Variants in TNS2 observed in about 807,000 individuals in gnomAD.
TNS2 encodes the protein tensin-2.
In TNS2, 77 loss-of-function variants were observed where a neutral mutation model predicts 155.7. The ratio of observed to expected loss-of-function variants is 0.49; its 90% CI spans 0.41 to 0.60. The LOEUF is 0.60. Ranked by LOEUF, TNS2 falls within the 20% of genes least tolerant of loss-of-function variation. The pLI, the probability that TNS2 is intolerant of heterozygous loss-of-function variation, is 0.00. For missense variants in TNS2, 1,703 were observed against 1,868.8 expected, an observed-to-expected ratio of 0.91 and a Z score of 1.64; for synonymous variants, 726 against 763.9, an observed-to-expected ratio of 0.95 and a Z score of 0.82.
At position 53,059,946 on chromosome 12, in the gene TNS2, T is replaced by C. The variant is rs759529631; in HGVS notation, c.2305T>C (p.Ser769Pro). The change falls in exon 18 of 29, where the codon TCC becomes CCC. Residue 769 changes from serine (S) to proline (P), a missense_variant. Ser to Pro is a moderately conservative substitution (Grantham distance 74). Transcript: ENST00000314250. This position sits in a 1 kb window ranked among gnomAD's most constrained non-coding sequence, Gnocchi z 4.7. ...KAGEEGHEGC[S>P]YTMCPEGRYG... ...AGGCGAGGAAGGGCACGAGGGCTGC[T>C]CCTACACCATGTGCCCCGAAGGCAG... 1 of 1,612,498 alleles carries C rather than the reference T, an allele frequency of 6.2e-7. No individual in the cohort carries two copies. The highest frequency in any genetic ancestry group is 1.7e-5 in the Admixed American group (1 of 59,974).
In TNS2 at chr12:53,060,418, G is replaced by T. The variant is rs113627018; in HGVS notation, c.2631G>T (p.Pro877=). 3.1e-6 allele frequency: 5 copies of T among 1,612,794 alleles called. No homozygotes were observed. The highest frequency in any genetic ancestry group is 4.2e-6 in the Non-Finnish European group (5 of 1,179,582). Residue 877 remains proline (P), a synonymous_variant, in exon 19 of 29, where the codon CCG becomes CCT. Coordinates refer to ENST00000314250, the MANE Select transcript of TNS2 (RefSeq NM_170754.4). The surrounding 1 kb of genome is among the most constrained non-coding windows in gnomAD (Gnocchi z 6.1). ...GPLASAESLE[P]VSWREGPSGH... is the part of the protein sequence containing the mutation. ...CCTTCACTGCAGAGTCGCTGGAGCC[G>T]GTGTCCTGGAGGGAGGGCCCCAGTG...
In TNS2 at chr12:53,063,508, C is replaced by A. The variant is rs199763931; in HGVS notation, c.4062-55C>A. The stretch of plus-strand genomic sequence containing the variant: ...CCAGCCCCAGCCCCGGCCCCGGCCC[C>A]CCTTCAGCAGCTGTCCCCTGGGGTG... On this transcript the variant is annotated intron_variant, in intron 27 of 28. Coordinates refer to ENST00000314250, the MANE Select transcript of TNS2 (RefSeq NM_170754.4). The surrounding 1 kb of genome is among the most constrained non-coding windows in gnomAD (Gnocchi z 5.6). 1.2e-6 allele frequency: 2 copies of A among 1,613,190 alleles called. No individual in the cohort carries two copies. The highest frequency in any genetic ancestry group is 2.2e-5 in the South Asian group (2 of 91,074).
At chr12:53,051,032 G>C (rs1481637979) in intron 1 of TNS2, among the ~76,000 whole-genome samples, 2 of 152,164 alleles carry the variant, frequency 1.3e-5, no homozygotes, top group Non-Finnish European at 2.9e-5. Flanking sequence ...ACCCACAGTG[G>C]GAGGGGAAGG....
rs1214554877 is a variant in TNS2 at position 53,060,617 on chromosome 12, T to C, written c.2769-58T>C. On this transcript the variant is annotated intron_variant, in intron 19 of 28. Transcript: ENST00000314250. The surrounding 1 kb of genome is among the most constrained non-coding windows in gnomAD (Gnocchi z 6.1). ...TGTCCAAGCAGTTGATGAAGGCAGG[T>C]GGGGTGGGAGCAGCCACAATGGGGG... is the stretch of plus-strand genomic sequence containing the variant. 9 of 1,593,708 alleles carry C rather than the reference T, an allele frequency of 5.6e-6. No individual in the cohort carries two copies. Among genetic ancestry groups the C allele is most frequent in the Non-Finnish European group, 7.7e-6 (9 of 1,168,456 alleles).
upstream of TNS2, chr12:53,048,976 C>T: frequency 1.9e-6 from 1 of 531,212 alleles, no homozygotes. Context: ...ACAGCTATAG[C>T]CTGTCCCAGG....
At chr12:53,055,126 C>G in intron 7 of TNS2, 60 bp from the exon 8 acceptor site, 1 of 1,574,630 alleles carries the variant, frequency 6.4e-7, no homozygotes, top group Non-Finnish European at 8.7e-7. Context: ...GGATCCACCT[C>G]CACCTCGTGC....
chr12:53,057,648 C>T lies in TNS2; in HGVS notation c.927C>T (p.Ile309=). 2.5e-6 allele frequency: 4 copies of T among 1,614,146 alleles called. No homozygotes were observed. The highest frequency in any genetic ancestry group is 3.4e-6 in the Non-Finnish European group (4 of 1,179,988). The change falls in exon 12 of 29, where the codon ATC becomes ATT. Residue 309 remains isoleucine, a synonymous_variant. Coordinates refer to ENST00000314250, the MANE Select transcript of TNS2 (RefSeq NM_170754.4). ...SSPLFLHYVL[I]PMLPAFEPGT... Reference sequence around the variant, plus strand: ...CTCTCTTCCTGCACTATGTGCTCATCCCCATGCTGCCAGCCTTTGAACCTG... The same window carrying T: ...CTCTCTTCCTGCACTATGTGCTCATTCCCATGCTGCCAGCCTTTGAACCTG...
rs1944134236 is a variant in TNS2 at position 53,055,864 on chromosome 12, G to T, written c.761+19G>T. Reference sequence around the variant, plus strand: ...CTGCAGGGTGAGGCTCCCAGCGCCTGAGTAGCTGCTTCCCCAGTGGCCCTT... The same window carrying T: ...CTGCAGGGTGAGGCTCCCAGCGCCTTAGTAGCTGCTTCCCCAGTGGCCCTT... On this transcript the variant is annotated intron_variant, in intron 10 of 28. Transcript: ENST00000314250. The T allele has an allele frequency of 6.2e-7, 1 of 1,600,896 alleles. No homozygotes were observed. Among genetic ancestry groups the T allele is most frequent in the South Asian group, 1.1e-5 (1 of 89,658 alleles).
At chr12:53,054,575 G>C (rs1944070240) in intron 7 of TNS2, 134 bp downstream of exon 7, 2 of 1,177,826 alleles carry the variant, frequency 1.7e-6, no homozygotes, top group Non-Finnish European at 1.1e-6. Flanking sequence ...TGGGGGCGGG[G>C]CCCGGAGCGC....
chr12:53,049,623 C>G (rs1224892472), upstream of TNS2, among the ~76,000 whole-genome samples: 1 of 152,116 alleles, frequency 6.6e-6, no homozygotes, highest in Admixed American at 6.5e-5. Context: ...TTACCTGACT[C>G]TCAGGACACA....
At chr12:53,051,416 G>A (rs375115101) in intron 1 of TNS2, among the ~76,000 whole-genome samples, 2 of 152,186 alleles carry the variant, frequency 1.3e-5, no homozygotes, top group Non-Finnish European at 2.9e-5. Flanking sequence ...CACTCCTGCC[G>A]GCTCAGTCTG....
rs367633365 is a variant in TNS2 at position 53,058,698 on chromosome 12, G to A, written c.1292-16G>A. The A allele has an allele frequency of 2.7e-5, 44 of 1,613,822 alleles. No individual in the cohort carries two copies. The highest frequency in any genetic ancestry group is 1.8e-4 in the Admixed American group (11 of 59,988). On this transcript the variant is annotated splice_polypyrimidine_tract_variant and intron_variant, in intron 16 of 28. Transcript: ENST00000314250. Reference sequence around the variant, plus strand: ...GCCTCTCCCCTGCTCCCCAATACCCGAGTGGCCTTCCACAGGCAGCACTCC... The same window carrying A: ...GCCTCTCCCCTGCTCCCCAATACCCAAGTGGCCTTCCACAGGCAGCACTCC...
Position 53,060,828 on chromosome 12 carries a change from C to G in TNS2, c.2922C>G (p.Val974=). Residue 974 remains valine (V), a synonymous_variant, in exon 20 of 29, where the codon GTC becomes GTG. Transcript: ENST00000314250. The surrounding 1 kb of genome is among the most constrained non-coding windows in gnomAD (Gnocchi z 6.1). ...CTGAGCCTCTGGCCCCTAGCCCAGT[C>G]TCTCCGACCTTCCCTCCCAGCTCGC... ...SGPEPLAPSP[V]SPTFPPSSPS... 1 of 1,605,642 alleles carries G rather than the reference C, an allele frequency of 6.2e-7. No homozygotes were observed. The highest frequency in any genetic ancestry group is 1.1e-5 in the South Asian group (1 of 90,660).
In TNS2 at chr12:53,062,697, G is replaced by A; in HGVS notation, c.3823G>A (p.Ala1275Thr). The A allele has an allele frequency of 6.2e-7, 1 of 1,613,840 alleles. No individual in the cohort carries two copies. Among genetic ancestry groups the A allele is most frequent in the Non-Finnish European group, 8.5e-7 (1 of 1,179,934 alleles). The part of the protein sequence containing the change: ...TAADLLRQGA[A>T]CSVLYLTSVE... ...GGCAGACCTCCTGCGTCAGGGTGCTGGTAGAGACTTCCCCTCCACTCCCCT... is the reference window on the plus strand; with the variant it reads ...GGCAGACCTCCTGCGTCAGGGTGCTAGTAGAGACTTCCCCTCCACTCCCCT... Residue 1275 changes from alanine to threonine, a missense_variant and splice_region_variant, in exon 25 of 29, where the codon GCC becomes ACC. Transcript: ENST00000314250.
Position 53,060,986 on chromosome 12 carries a change from C to T in TNS2, c.3080C>T (p.Pro1027Leu). The T allele has an allele frequency of 6.2e-7, 1 of 1,612,310 alleles. No individual in the cohort carries two copies. The highest frequency in any genetic ancestry group is 8.5e-7 in the Non-Finnish European group (1 of 1,179,330). Reference sequence around the variant, plus strand: ...GGCCCTCGAGGCCCCCCCGACAGCCCAGATGGGTCTCCCCTCACTCCTGTG... The same window carrying T: ...GGCCCTCGAGGCCCCCCCGACAGCCTAGATGGGTCTCCCCTCACTCCTGTG... The part of the protein sequence containing the change: ...WQGPRGPPDS[P>L]DGSPLTPVPS... The change falls in exon 20 of 29, where the codon CCA (proline) becomes CTA (leucine). Residue 1027 changes from proline (P) to leucine (L), a missense_variant. Transcript: ENST00000314250. The surrounding 1 kb of genome is among the most constrained non-coding windows in gnomAD (Gnocchi z 6.1).
chr12:53,051,984 A>G (rs1258034187), intron 2 of TNS2, 21 bp downstream of exon 2: 21 of 1,589,380 alleles, frequency 1.3e-5, no homozygotes. Context: ...CTGTCCTGTG[A>G]CTCTGAGACC....
chr12:53,061,634 G>A, intron 21 of TNS2, 165 bp downstream of exon 21: 1 of 1,343,752 alleles, frequency 7.4e-7, no homozygotes, highest in Non-Finnish European at 1.0e-6. Context: ...GGCCAAGGCG[G>A]TGAGATCCAA....
intron 4 of TNS2, 91 bp from the exon 5 acceptor site, chr12:53,053,683 T>G: frequency 6.4e-7 from 1 of 1,562,022 alleles, no homozygotes; most frequent in Non-Finnish European, 8.7e-7. Context: ...AAAAGGACAC[T>G]GACATTCCCT....
chr12:53,050,304 G>A lies in TNS2; in HGVS notation c.75+44G>A. 6.5e-7 allele frequency: 1 copy of A among 1,548,078 alleles called. No homozygotes were observed. Among genetic ancestry groups the A allele is most frequent in the Non-Finnish European group, 8.7e-7 (1 of 1,145,754 alleles). On this transcript the variant is annotated intron_variant, in intron 1 of 28. Transcript: ENST00000314250. The surrounding 1 kb of genome is among the most constrained non-coding windows in gnomAD (Gnocchi z 4.7). ...TGGGCAAAAGAGGGGCAGGGGTGGA[G>A]GTGCGGGCAGTGGGGGAGGGGACCA... is the stretch of plus-strand genomic sequence containing the variant.
Sources: gnomAD v4.1 joint callset for allele counts (sites outside exome capture counted in the v4.1 genomes callset) on GRCh38, gnomAD v4.1.1 for gene constraint, Gnocchi (gnomAD v3.1) non-coding constraint, MANE v1.5 for transcripts, NCBI Gene and HGNC (gene_info 2026-07-23, HGNC 2026-07-21) for gene names.